The following PLEKHA5 variants were observed in gnomAD, a reference collection of about 807,000 sequenced individuals.
The protein encoded by PLEKHA5 is pleckstrin homology domain-containing family A member 5.
PLEKHA5 carries 55 observed loss-of-function variants against 181.9 expected under a neutral mutation model. The ratio of observed to expected loss-of-function variants is 0.30; its 90% CI spans 0.24 to 0.38. The LOEUF (loss-of-function observed/expected upper bound fraction) is 0.38. Among genes scored for constraint, PLEKHA5 ranks in the 10% least tolerant of loss-of-function variants. PLEKHA5 has a pLI of 1.00. For synonymous variants in PLEKHA5, 535 were observed against 529.4 expected, an observed-to-expected ratio of 1.01 and a Z score of -0.15; for missense variants, 1,432 against 1,549.5, an observed-to-expected ratio of 0.92 and a Z score of 1.27.
At chr12:19,154,198 A>G (rs1262479151) in intron 3 of PLEKHA5, 2 of 151,982 alleles carry the variant, frequency 1.3e-5, no homozygotes, top group African/African-American at 4.8e-5. Flanking sequence ...TTTATTTAGC[A>G]TTACCTACTC....
chr12:19,203,122 C>G (rs980617819), intron 3 of PLEKHA5, among the ~76,000 whole-genome samples: 6 of 152,074 alleles, frequency 3.9e-5, no homozygotes, highest in African/African-American at 1.4e-4. Flanking sequence ...AATTTTAAAT[C>G]AGAACACTTA....
At chr12:19,183,299 G>A (rs1057480445) in intron 3 of PLEKHA5, among the ~76,000 whole-genome samples, 3 of 152,182 alleles carry the variant, frequency 2.0e-5, no homozygotes, top group African/African-American at 7.2e-5. Flanking sequence ...AGAGGTGTCA[G>A]CTTAGTGAAG....
intron 22 of PLEKHA5, among the ~76,000 whole-genome samples, 186 bp from the exon 23 acceptor site, chr12:19,345,656 G>A (rs143213472): frequency 0.014 from 2,122 of 151,966 alleles, 151 homozygotes; most frequent in Admixed American, 0.12. Context: ...TCCCAGCTAC[G>A]AGAGGCTGAG....
chr12:19,333,517 A>G (rs1486265273), intron 20 of PLEKHA5, among the ~76,000 whole-genome samples: 4 of 151,178 alleles, frequency 2.6e-5, no homozygotes, highest in Non-Finnish European at 5.9e-5. Context: ...TGAACCCGGG[A>G]GGCAGAGGTT....
intron 3 of PLEKHA5, among the ~76,000 whole-genome samples, chr12:19,133,978 T>G (rs1322782785): frequency 6.6e-6 from 1 of 152,056 alleles, no homozygotes; most frequent in Non-Finnish European, 1.5e-5. Flanking sequence ...TTCAGGTCAT[T>G]TATTCAATGT....
chr12:19,230,043 G>C (rs1398981439), intron 3 of PLEKHA5, among the ~76,000 whole-genome samples: 3 of 151,956 alleles, frequency 2.0e-5, no homozygotes, highest in African/African-American at 7.3e-5. Context: ...CACCAGATTA[G>C]CTAGATACAG....
intron 3 of PLEKHA5, among the ~76,000 whole-genome samples, chr12:19,243,595 G>T (rs2152467656): frequency 6.6e-6 from 1 of 152,198 alleles, no homozygotes; most frequent in African/African-American, 2.4e-5. Flanking sequence ...AATGATGAGA[G>T]GAGAAAGAAT....
chr12:19,335,967 A>G (rs893204249), intron 20 of PLEKHA5, among the ~76,000 whole-genome samples: 4 of 152,154 alleles, frequency 2.6e-5, no homozygotes, highest in African/African-American at 7.2e-5. Flanking sequence ...GAATTATTCT[A>G]TATTCAACAA....
rs756545242 is a variant in PLEKHA5 at position 19,143,575 on chromosome 12, CAT to C, written c.227+11127_227+11128del. On this transcript the variant is annotated intron_variant, in intron 3 of 31. Coordinates refer to ENST00000429027, the MANE Select transcript of PLEKHA5 (RefSeq NM_001256470.2). ...ATGCATATATTATGCATATATAACA[CAT>C]AATTATATATGCAGCATAGATGCAT... 6.0e-4 allele frequency among the ~76,000 whole-genome samples: 91 copies of C among 152,016 alleles called. No individual in the cohort carries two copies. In the Middle Eastern group the frequency reaches 0.01, roughly 17 times the overall value.
intron 11 of PLEKHA5, among the ~76,000 whole-genome samples, chr12:19,275,671 A>G (rs936216022): frequency 6.6e-6 from 1 of 152,114 alleles, no homozygotes; most frequent in African/African-American, 2.4e-5. Context: ...GGGAAGTTGA[A>G]GTGGGAGGAT....
chr12:19,347,235 T>C (rs766042303), intron 24 of PLEKHA5, 53 bp downstream of exon 24: 69 of 1,063,454 alleles, frequency 6.5e-5, no homozygotes, highest in Non-Finnish European at 7.9e-5. Flanking sequence ...CCTCTCATTT[T>C]TGAAAATTAA....
At chr12:19,288,437 C>G (rs772346986) in intron 13 of PLEKHA5, among the ~76,000 whole-genome samples, 64 of 152,146 alleles carry the variant, frequency 4.2e-4, no homozygotes, top group Non-Finnish European at 7.8e-4. Flanking sequence ...CTTTTCCTCA[C>G]TTCAGTTTAT....
At chr12:19,281,097 A>G (rs2076024136) in intron 11 of PLEKHA5, among the ~76,000 whole-genome samples, 1 of 151,990 alleles carries the variant, frequency 6.6e-6, no homozygotes, top group Non-Finnish European at 1.5e-5. Context: ...TTAGCCACAC[A>G]TGGTGGCATA....
chr12:19,261,079 A>C, intron 7 of PLEKHA5, 58 bp downstream of exon 7: 1 of 903,470 alleles, frequency 1.1e-6, no homozygotes, highest in East Asian at 2.5e-5. Context: ...AATATAAGTT[A>C]AGTATCAGAT....
intron 3 of PLEKHA5, among the ~76,000 whole-genome samples, chr12:19,240,759 AT>A (rs1268316303): frequency 1.3e-5 from 2 of 151,814 alleles, no homozygotes; most frequent in African/African-American, 4.8e-5. Flanking sequence ...GGCTGTGTAT[AT>A]TTTTGAATGC....
intron 3 of PLEKHA5, among the ~76,000 whole-genome samples, chr12:19,183,510 TA>T (rs1261168931): frequency 6.6e-6 from 1 of 152,194 alleles, no homozygotes; most frequent in Admixed American, 6.5e-5. Context: ...CAGAAACCGA[TA>T]ATAATGAATT....
At chr12:19,315,508 G>A (rs2088283023) in intron 16 of PLEKHA5, among the ~76,000 whole-genome samples, 1 of 152,024 alleles carries the variant, frequency 6.6e-6, no homozygotes, top group African/African-American at 2.4e-5. Context: ...CATGGAGTTG[G>A]CTGGCTTTAA....
At chr12:19,266,224 A>G (rs1231273903) in intron 8 of PLEKHA5, among the ~76,000 whole-genome samples, 1 of 151,612 alleles carries the variant, frequency 6.6e-6, no homozygotes, top group African/African-American at 2.4e-5. Flanking sequence ...CGGTAATTCC[A>G]GCACTTCCGG....
intron 29 of PLEKHA5, among the ~76,000 whole-genome samples, chr12:19,362,167 CAAAAAAAAAAA>C (rs33984774): frequency 1.6e-5 from 1 of 61,614 alleles, no homozygotes; most frequent in African/African-American, 6.2e-5. Flanking sequence ...GACTCTGTCT[CAAAAAAAAAAA>C]AAAAAAAAAA....
Sources: allele counts gnomAD v4.1 joint callset (sites outside exome capture counted in the v4.1 genomes callset), GRCh38; gene constraint gnomAD v4.1.1; transcripts MANE v1.5; gene names NCBI Gene and HGNC (gene_info 2026-07-23, HGNC 2026-07-21).